PDE1A: variants seen among roughly 807,000 people sequenced by gnomAD.
PDE1A encodes phosphodiesterase 1A, also known as dual specificity calcium/calmodulin-dependent 3',5'-cyclic nucleotide phosphodiesterase 1A.
Under a neutral mutation model 61.7 loss-of-function variants are expected in PDE1A, and 35 were observed. That is an observed-to-expected ratio of 0.57 (90% CI 0.43 to 0.75). The LOEUF is 0.75. Ranked by LOEUF, PDE1A falls within the 30% of genes least tolerant of loss-of-function variation. The pLI, the probability that PDE1A is intolerant of heterozygous loss-of-function variation, is 0.00. For synonymous variants in PDE1A, 232 were observed against 213.2 expected (o/e 1.09, Z -0.77); for missense variants, 597 against 630.6 (o/e 0.95, Z 0.57).
intron 1 of PDE1A, among the ~76,000 whole-genome samples, chr2:182,318,795 A>G (rs1369467330): frequency 1.3e-5 from 2 of 152,102 alleles, no homozygotes; most frequent in Non-Finnish European, 2.9e-5. Context: ...CACTAGAGTC[A>G]CCCTCAGCTG....
At chr2:182,668,775 C>T in the PDE1A span, among the ~76,000 whole-genome samples, 2 of 152,322 alleles carry the variant, frequency 1.3e-5, no homozygotes, top group Non-Finnish European at 2.9e-5. Flanking sequence ...CTCACCATTT[C>T]CTGGCTCCCC....
chr2:182,528,174 G>A (rs1256257283), upstream of PDE1A, among the ~76,000 whole-genome samples: 2 of 152,136 alleles, frequency 1.3e-5, no homozygotes, highest in African/African-American at 2.4e-5. Context: ...GGAAAGTTTG[G>A]AACTTTCTAG....
At chr2:182,140,618 C>T (rs1160579903) in exon 15 of PDE1A, 3 of 152,134 alleles carry the variant, frequency 2.0e-5, no homozygotes, top group South Asian at 2.1e-4. Context: ...AATGAAAAGG[C>T]ATATAAACTG....
At chr2:182,441,584 C>T (rs1214662408) in intron 2 of PDE1A, among the ~76,000 whole-genome samples, 3 of 152,002 alleles carry the variant, frequency 2.0e-5, no homozygotes, top group Non-Finnish European at 4.4e-5. Flanking sequence ...AACGCCACAA[C>T]AGTAGCAATT....
At chr2:182,564,871 A>T in the PDE1A span, among the ~76,000 whole-genome samples, 1 of 151,940 alleles carries the variant, frequency 6.6e-6, no homozygotes, top group Non-Finnish European at 1.5e-5. Flanking sequence ...TGCATTCTTC[A>T]CGTAGTTCTC....
At chr2:182,505,467 A>G (rs992248835) in intron 2 of PDE1A, among the ~76,000 whole-genome samples, 10 of 152,198 alleles carry the variant, frequency 6.6e-5, no homozygotes, top group Non-Finnish European at 1.3e-4. Flanking sequence ...TATCATTCGT[A>G]GATGCTTATT....
chr2:182,395,903 G>C (rs1264029721), intron 1 of PDE1A, among the ~76,000 whole-genome samples: 1 of 152,150 alleles, frequency 6.6e-6, no homozygotes, highest in Non-Finnish European at 1.5e-5. Flanking sequence ...TTTGACTAGT[G>C]GTCATCAAGT....
chr2:182,508,706 TA>T (rs1290201363), intron 2 of PDE1A, among the ~76,000 whole-genome samples: 4 of 151,346 alleles, frequency 2.6e-5, no homozygotes, highest in African/African-American at 9.6e-5. Flanking sequence ...TTTTCCGGGG[TA>T]TCAAAGCCAT....
At chr2:182,439,371 C>T (rs148195730) in intron 2 of PDE1A, among the ~76,000 whole-genome samples, 151 of 151,974 alleles carry the variant, frequency 9.9e-4, no homozygotes, top group Non-Finnish European at 1.6e-3. Context: ...TGGTCTTGCT[C>T]AGAGAGAACA....
intron 2 of PDE1A, among the ~76,000 whole-genome samples, chr2:182,490,802 A>G (rs1173058088): frequency 6.6e-6 from 1 of 152,222 alleles, no homozygotes; most frequent in Admixed American, 6.5e-5. Context: ...TTGAATGACA[A>G]TATACTTTAG....
chr2:182,336,068 A>C (rs1194601827), intron 1 of PDE1A, among the ~76,000 whole-genome samples: 1 of 152,228 alleles, frequency 6.6e-6, no homozygotes, highest in African/African-American at 2.4e-5. Flanking sequence ...CCACAATGAG[A>C]TACTATCTCA....
the PDE1A span, among the ~76,000 whole-genome samples, chr2:182,707,258 A>G: frequency 6.6e-6 from 1 of 152,224 alleles, no homozygotes; most frequent in Non-Finnish European, 1.5e-5. Flanking sequence ...AAAATTTAAA[A>G]GAAGATTAAA....
At chr2:182,687,029 C>T in the PDE1A span, among the ~76,000 whole-genome samples, 1,248 of 152,314 alleles carry the variant, frequency 8.2e-3, 9 homozygotes, top group Non-Finnish European at 0.012. Context: ...CAAAGCAGCC[C>T]GCTGGGAAGC....
intron 2 of PDE1A, among the ~76,000 whole-genome samples, chr2:182,446,996 C>T (rs1054592231): frequency 6.6e-6 from 1 of 151,650 alleles, no homozygotes; most frequent in East Asian, 1.9e-4. Context: ...TAAACCTGCA[C>T]AAAATCTTTT....
intron 13 of PDE1A, among the ~76,000 whole-genome samples, chr2:182,171,218 G>A (rs1692183510): frequency 1.3e-5 from 2 of 151,952 alleles, no homozygotes; most frequent in Admixed American, 1.3e-4. Flanking sequence ...TAGGTCATAG[G>A]TACAGTGATT....
chr2:182,489,254 G>A (rs1244571655), intron 2 of PDE1A, among the ~76,000 whole-genome samples: 1 of 152,216 alleles, frequency 6.6e-6, no homozygotes, highest in African/African-American at 2.4e-5. Flanking sequence ...GAAAGCCAGT[G>A]TGGATGGAGC....
chr2:182,163,889 A>T (rs1367985674), downstream of PDE1A, among the ~76,000 whole-genome samples: 1 of 152,126 alleles, frequency 6.6e-6, no homozygotes, highest in Non-Finnish European at 1.5e-5. Context: ...AGTGGCAGAT[A>T]GGTATGCTGT....
chr2:182,315,630 T>G (rs965398786), intron 1 of PDE1A, among the ~76,000 whole-genome samples: 14 of 152,136 alleles, frequency 9.2e-5, no homozygotes, highest in Non-Finnish European at 1.0e-4. Flanking sequence ...ATGGTCCCCA[T>G]GCCCAACTTC....
the PDE1A span, among the ~76,000 whole-genome samples, chr2:182,589,269 G>GAGGAAGGAAGGAAGGAAGGA: frequency 8.8e-4 from 107 of 121,924 alleles, 3 homozygotes; most frequent in Middle Eastern, 4.1e-3. Flanking sequence ...GGGAGGGAGG[G>GAGGAAGGAAGGAAGGAAGGA]AGGAAGGAAG....
Sources: allele counts gnomAD v4.1 joint callset (sites outside exome capture counted in the v4.1 genomes callset), GRCh38; gene constraint gnomAD v4.1.1; transcripts MANE v1.5; gene names NCBI Gene and HGNC (gene_info 2026-07-23, HGNC 2026-07-21).